PTPN3: variants seen among roughly 807,000 people sequenced by gnomAD.
PTPN3 encodes the protein tyrosine-protein phosphatase non-receptor type 3.
Under a neutral mutation model 132.7 loss-of-function variants are expected in PTPN3, and 96 were observed. The ratio of observed to expected loss-of-function variants is 0.72; its 90% CI spans 0.61 to 0.86. The LOEUF (loss-of-function observed/expected upper bound fraction) is 0.86. Among genes scored for constraint, PTPN3 ranks in the 40% least tolerant of loss-of-function variants. The pLI, the probability that PTPN3 is intolerant of heterozygous loss-of-function variation, is 0.00. For synonymous variants in PTPN3, 398 were observed against 429.0 expected (o/e 0.93, Z 0.89); for missense variants, 1,125 against 1,159.6 (o/e 0.97, Z 0.43).
At chr9:109,447,613 G>T (rs1844948678) in intron 6 of PTPN3, among the ~76,000 whole-genome samples, 1 of 152,096 alleles carries the variant, frequency 6.6e-6, no homozygotes, top group Admixed American at 6.5e-5. Flanking sequence ...TTTCCTCAAG[G>T]TGTCTCTTGC....
chr9:109,490,428 C>T (rs1475232090), intron 1 of PTPN3, among the ~76,000 whole-genome samples: 1 of 152,102 alleles, frequency 6.6e-6, no homozygotes, highest in Non-Finnish European at 1.5e-5. Flanking sequence ...AAATAATTGG[C>T]TTGTACTTTC....
intron 4 of PTPN3, among the ~76,000 whole-genome samples, chr9:109,456,617 G>T (rs1845577961): frequency 6.6e-6 from 1 of 152,178 alleles, no homozygotes; most frequent in African/African-American, 2.4e-5. Flanking sequence ...GGAACATCAG[G>T]CCGAGAGCAG....
At chr9:109,391,075 C>T in intron 21 of PTPN3, 63 bp downstream of exon 21, 1 of 1,453,204 alleles carries the variant, frequency 6.9e-7, no homozygotes, top group Non-Finnish European at 9.6e-7. Context: ...CCCACACAGG[C>T]CCTCATCATC....
At position 109,375,708 on chromosome 9, in the gene PTPN3, C is replaced by A. The variant is rs1180078248; in HGVS notation, c.*3848G>T. The A allele has an allele frequency of 1.3e-5, 2 of 152,196 alleles. No individual in the cohort carries two copies. Among genetic ancestry groups the A allele is most frequent in the Non-Finnish European group, 2.9e-5 (2 of 68,038 alleles). The allele number at this position is 152,196 out of a possible 1,614,324, so 9.4% of individuals were successfully genotyped here. On this transcript the variant is annotated 3_prime_UTR_variant, in exon 26 of 26. Transcript: ENST00000374541. Reference sequence around the variant, plus strand: ...AACAGACAATAACAGTGTTGCATAGCTTGAACATTTTTATATTGATTAAAT... The same window carrying A: ...AACAGACAATAACAGTGTTGCATAGATTGAACATTTTTATATTGATTAAAT...
At chr9:109,424,502 G>A (rs1422252586) in intron 12 of PTPN3, among the ~76,000 whole-genome samples, 1 of 152,252 alleles carries the variant, frequency 6.6e-6, no homozygotes, top group Non-Finnish European at 1.5e-5. Flanking sequence ...CAGAGTCGCT[G>A]TGCCAGTGCC....
intron 5 of PTPN3, chr9:109,450,909 T>A (rs1183341820): frequency 1.0e-6 from 1 of 985,282 alleles, no homozygotes; most frequent in Admixed American, 6.1e-5. Context: ...TCTATACATC[T>A]TCTTTGACTC....
intron 1 of PTPN3, among the ~76,000 whole-genome samples, chr9:109,489,534 C>G (rs1564486975): frequency 6.6e-6 from 1 of 152,082 alleles, no homozygotes; most frequent in Non-Finnish European, 1.5e-5. Flanking sequence ...CCGGCTTAGA[C>G]CCGTCAGTCA....
intron 16 of PTPN3, among the ~76,000 whole-genome samples, chr9:109,408,786 A>ATAT (rs1420542134): frequency 1.4e-4 from 6 of 43,082 alleles, no homozygotes; most frequent in Admixed American, 1.3e-3. Flanking sequence ...ATAATTAAAA[A>ATAT]AAAAAAAAAA....
At chr9:109,505,771 AC>A in the PTPN3 span, among the ~76,000 whole-genome samples, 2 of 150,010 alleles carry the variant, frequency 1.3e-5, no homozygotes, top group Non-Finnish European at 3.0e-5. Context: ...TTTTTTTGAG[AC>A]AGAATCTCGC....
chr9:109,384,054 C>A (rs971359749), intron 22 of PTPN3, among the ~76,000 whole-genome samples: 1 of 152,174 alleles, frequency 6.6e-6, no homozygotes, highest in Non-Finnish European at 1.5e-5. Context: ...CATTTGTCAG[C>A]CAGATGATGT....
At chr9:109,424,873 G>T (rs927950457) in intron 12 of PTPN3, among the ~76,000 whole-genome samples, 4 of 152,206 alleles carry the variant, frequency 2.6e-5, no homozygotes, top group Admixed American at 6.5e-5. Context: ...CCAGAACCCA[G>T]CCCTGCTGGC....
At chr9:109,379,729 T>C in intron 25 of PTPN3, 96 bp from the exon 26 acceptor site, 1 of 1,046,000 alleles carries the variant, frequency 9.6e-7, no homozygotes, top group South Asian at 1.3e-5. Context: ...TTTGTAAATA[T>C]TCCCTGAGCG....
At chr9:109,533,632 C>T in the PTPN3 span, 4 of 1,503,750 alleles carry the variant, frequency 2.7e-6, no homozygotes, top group Non-Finnish European at 3.7e-6. Context: ...TACTCTGCCA[C>T]ACTGATCTAC....
intron 7 of PTPN3, among the ~76,000 whole-genome samples, chr9:109,439,841 A>C (rs756436000): frequency 5.9e-5 from 9 of 152,034 alleles, no homozygotes; most frequent in Admixed American, 2.6e-4. Context: ...CCTGGAAGGC[A>C]GAGGTTGCAG....
the PTPN3 span, chr9:109,532,812 G>A: frequency 2.7e-6 from 2 of 751,196 alleles, no homozygotes; most frequent in Non-Finnish European, 3.7e-6. Flanking sequence ...GTTGATGATA[G>A]AGATGATAAG....
the PTPN3 span, among the ~76,000 whole-genome samples, chr9:109,532,476 T>C: frequency 1.3e-5 from 2 of 152,104 alleles, no homozygotes; most frequent in Admixed American, 6.6e-5. Context: ...AAAATCAAGT[T>C]GTAAACTTTC....
chr9:109,513,218 C>T, the PTPN3 span, among the ~76,000 whole-genome samples: 1 of 152,036 alleles, frequency 6.6e-6, no homozygotes, highest in African/African-American at 2.4e-5. Flanking sequence ...CAAAGTCCTG[C>T]TGTGTTTCCC....
chr9:109,382,328 G>T lies in PTPN3; in HGVS notation c.2502C>A (p.Asp834Glu). The T allele has an allele frequency of 6.2e-7, 1 of 1,614,000 alleles. No homozygotes were observed. The highest frequency in any genetic ancestry group is 8.5e-7 in the Non-Finnish European group (1 of 1,179,920). Residue 834 changes from aspartate to glutamate, a missense_variant, in exon 24 of 26, where the codon GAC becomes GAA. Coordinates refer to ENST00000374541, the MANE Select transcript of PTPN3 (RefSeq NM_002829.4). ...TGCAGTGAACTAGGACGGGCTCGCTGTCCACTCTCAGAGACCTCACATAGT... is the reference window on the plus strand; with the variant it reads ...TGCAGTGAACTAGGACGGGCTCGCTTTCCACTCTCAGAGACCTCACATAGT... ...FVNYVRSLRV[D>E]SEPVLVHCSA... is the part of the protein sequence containing the mutation.
At chr9:109,500,296 C>T (rs1053166080), upstream of PTPN3, among the ~76,000 whole-genome samples, 1 of 152,202 alleles carries the variant, frequency 6.6e-6, no homozygotes, top group Non-Finnish European at 1.5e-5. Flanking sequence ...TCGAAGTTGT[C>T]TTAATCTGCT....
Sources: gnomAD v4.1 joint callset for allele counts (sites outside exome capture counted in the v4.1 genomes callset) on GRCh38, gnomAD v4.1.1 for gene constraint, MANE v1.5 for transcripts, NCBI Gene and HGNC (gene_info 2026-07-23, HGNC 2026-07-21) for gene names.